Variants in SOAT2 observed in about 807,000 individuals in gnomAD.
SOAT2 encodes the protein ACAT-2.
In SOAT2, 87 loss-of-function variants were observed where a neutral mutation model predicts 76.0. That is an observed-to-expected ratio of 1.14 (90% CI 0.96 to 1.37). The LOEUF (loss-of-function observed/expected upper bound fraction) is 1.37. Among genes scored for constraint, SOAT2 ranks in the 40% most tolerant of loss-of-function variants. The pLI is 0.00. For missense variants in SOAT2, 686 were observed against 682.1 expected, an observed-to-expected ratio of 1.01 and a Z score of -0.06; for synonymous variants, 285 against 275.4, an observed-to-expected ratio of 1.03 and a Z score of -0.34.
chr12:53,114,645 C>T (rs577342209), intron 5 of SOAT2, among the ~76,000 whole-genome samples: 12 of 152,102 alleles, frequency 7.9e-5, no homozygotes, highest in Non-Finnish European at 1.8e-4. Context: ...TGTTTGAACC[C>T]GGGAGGCGGA....
At chr12:53,104,279 A>C in intron 2 of SOAT2, 73 bp downstream of exon 2, 1 of 925,888 alleles carries the variant, frequency 1.1e-6, no homozygotes, top group South Asian at 1.4e-5. Context: ...AGGCTTGGTG[A>C]TAAAGATGAC....
At chr12:53,122,340 T>C (rs1938203792) in intron 12 of SOAT2, among the ~76,000 whole-genome samples, 1 of 132,964 alleles carries the variant, frequency 7.5e-6, no homozygotes, top group Admixed American at 7.5e-5. Flanking sequence ...CCAAACTACC[T>C]TTTTTTTTTT....
chr12:53,124,381 C>G lies in SOAT2; in HGVS notation c.*258C>G, dbSNP rs1010987124. The stretch of plus-strand genomic sequence containing the variant: ...GCTGGGTACAGGATATCCTCCTACC[C>G]CATGACTGTCTTAGGGAGACTTGGG... On this transcript the variant is annotated 3_prime_UTR_variant, in exon 15 of 15. Coordinates refer to ENST00000301466, the MANE Select transcript of SOAT2 (RefSeq NM_003578.4). 20 of 562,026 alleles carry G rather than the reference C, an allele frequency of 3.6e-5. No individual in the cohort carries two copies. Among genetic ancestry groups the G allele is most frequent in the Middle Eastern group, 4.7e-4 (1 of 2,128 alleles). 34.8% of individuals were successfully genotyped at this position (562,026 alleles called of 1,614,324 possible).
intron 5 of SOAT2, among the ~76,000 whole-genome samples, chr12:53,107,136 C>A (rs1336245289): frequency 6.6e-6 from 1 of 152,142 alleles, no homozygotes; most frequent in South Asian, 2.1e-4. Context: ...ACAGTCCCCA[C>A]TGTCAATTTA....
At chr12:53,108,595 CA>C (rs1371018915) in intron 5 of SOAT2, among the ~76,000 whole-genome samples, 1 of 152,158 alleles carries the variant, frequency 6.6e-6, no homozygotes, top group East Asian at 1.9e-4. Context: ...CTCTGCAAAG[CA>C]AAACAAAGGA....
In SOAT2 at chr12:53,123,218, T is replaced by C. The variant is rs1293843196; in HGVS notation, c.1372+2T>C. ...TGATACTCTTCCTTGTCATTGGAGGTGAGCTGGTCTCTGTGCCACTGGAAG... is the reference window on the plus strand; with the variant it reads ...TGATACTCTTCCTTGTCATTGGAGGCGAGCTGGTCTCTGTGCCACTGGAAG... On this transcript the variant is annotated splice_donor_variant, in intron 13 of 14. Transcript: ENST00000301466. LOFTEE classifies it high-confidence loss of function. The C allele has an allele frequency of 6.2e-7, 1 of 1,613,566 alleles. No homozygotes were observed. Among genetic ancestry groups the C allele is most frequent in the Non-Finnish European group, 8.5e-7 (1 of 1,179,872 alleles).
chr12:53,118,761 C>G, intron 8 of SOAT2, 129 bp from the exon 9 acceptor site: 2 of 989,836 alleles, frequency 2.0e-6, no homozygotes, highest in South Asian at 2.8e-5. Flanking sequence ...GACCCCACCA[C>G]CCTAGATAAT....
At chr12:53,108,556 T>C (rs1196647835) in intron 5 of SOAT2, among the ~76,000 whole-genome samples, 1 of 152,218 alleles carries the variant, frequency 6.6e-6, no homozygotes, top group Non-Finnish European at 1.5e-5. Flanking sequence ...TTAAAAGCTA[T>C]TAATAGCTCA....
In SOAT2 at chr12:53,124,307, C is replaced by A; in HGVS notation, c.*184C>A. On this transcript the variant is annotated 3_prime_UTR_variant, in exon 15 of 15. Coordinates refer to ENST00000301466, the MANE Select transcript of SOAT2 (RefSeq NM_003578.4). ...AGACTTGTGGGTAACTGATCACAGA[C>A]CTCAGCATGGGGGTGACCAGGGTGA... 1 of 638,980 alleles carries A rather than the reference C, an allele frequency of 1.6e-6. No homozygotes were observed. The highest frequency in any genetic ancestry group is 2.5e-5 in the Admixed American group (1 of 40,670). The allele number at this position is 638,980 out of a possible 1,614,324, so 39.6% of individuals were successfully genotyped here. A position where few individuals can be genotyped will look rare whatever the true frequency, so the allele number is the denominator to read the frequency against.
intron 5 of SOAT2, among the ~76,000 whole-genome samples, chr12:53,106,332 T>G (rs1481081123): frequency 6.6e-6 from 1 of 152,260 alleles, no homozygotes; most frequent in East Asian, 1.9e-4. Context: ...AAGTCAGTTC[T>G]ATTCAAGTAA....
Position 53,123,811 on chromosome 12 carries a change from G to A in SOAT2, c.1456G>A (p.Gly486Arg), listed in dbSNP as rs1938233706. 1 of 1,614,142 alleles carries A rather than the reference G, an allele frequency of 6.2e-7. No homozygotes were observed. Among genetic ancestry groups the A allele is most frequent in the Non-Finnish European group, 8.5e-7 (1 of 1,180,020 alleles). ...GTGGACCATGCTGTTTCTAGGCCAGGGAATCCAGGTCAGCCTGTACTGCCA... is the reference window on the plus strand; with the variant it reads ...GTGGACCATGCTGTTTCTAGGCCAGAGAATCCAGGTCAGCCTGTACTGCCA... ...LMWTMLFLGQ[G>R]IQVSLYCQEW... The change falls in exon 14 of 15, where the codon GGA becomes AGA. Residue 486 changes from glycine (G) to arginine (R), a missense_variant. Gly to Arg is a moderately radical substitution (Grantham distance 125, BLOSUM62 -2). Coordinates refer to ENST00000301466, the MANE Select transcript of SOAT2 (RefSeq NM_003578.4).
rs569901514 is a variant in SOAT2 at position 53,115,663 on chromosome 12, C to G, written c.708+9C>G. On this transcript the variant is annotated intron_variant, in intron 6 of 14. Transcript: ENST00000301466. The stretch of plus-strand genomic sequence containing the variant: ...TCCTGGTCTTCGAGCAGGTGAGGGC[C>G]GAGCCCTGCTGACGGACAGGAAGGA... The G allele has an allele frequency of 2.7e-6, 4 of 1,506,464 alleles. No individual in the cohort carries two copies. Among genetic ancestry groups the G allele is most frequent in the Admixed American group, 2.1e-5 (1 of 46,964 alleles). The allele number at this position is 1,506,464 out of a possible 1,614,324, so 93.3% of individuals were successfully genotyped here. A position where few individuals can be genotyped will look rare whatever the true frequency, so the allele number is the denominator to read the frequency against.
Position 53,105,549 on chromosome 12 carries a change from A to G in SOAT2, c.276-12A>G. 1.9e-6 allele frequency: 3 copies of G among 1,609,668 alleles called. No homozygotes were observed. The highest frequency in any genetic ancestry group is 2.5e-6 in the Non-Finnish European group (3 of 1,177,370). On this transcript the variant is annotated splice_polypyrimidine_tract_variant and intron_variant, in intron 3 of 14. Coordinates refer to ENST00000301466, the MANE Select transcript of SOAT2 (RefSeq NM_003578.4). ...TACTTTTTCCTGACCCTGAACAAACATCTCAATTCAGGACCCAGGAGCCAT... is the reference window on the plus strand; with the variant it reads ...TACTTTTTCCTGACCCTGAACAAACGTCTCAATTCAGGACCCAGGAGCCAT...
chr12:53,105,663 C>T (rs149822891), intron 4 of SOAT2, 43 bp downstream of exon 4: 1 of 1,555,818 alleles, frequency 6.4e-7, no homozygotes, highest in Non-Finnish European at 8.8e-7. Context: ...AAAGAAAGGG[C>T]TTTGGCTAGG....
At chr12:53,122,874 G>A (rs368737069) in intron 12 of SOAT2, among the ~76,000 whole-genome samples, 1 of 152,118 alleles carries the variant, frequency 6.6e-6, no homozygotes, top group Admixed American at 6.5e-5. Flanking sequence ...GGTGGTGGCC[G>A]GGCAGAGGGG....
At chr12:53,121,478 A>G (rs1938188356) in intron 12 of SOAT2, 77 bp downstream of exon 12, 2 of 1,210,108 alleles carry the variant, frequency 1.7e-6, no homozygotes, top group East Asian at 2.3e-5. Context: ...CCCTCCTGCT[A>G]CAGTGTGGCA....
intron 5 of SOAT2, among the ~76,000 whole-genome samples, chr12:53,114,587 G>A (rs1938071562): frequency 6.6e-6 from 1 of 152,106 alleles, no homozygotes; most frequent in Non-Finnish European, 1.5e-5. Flanking sequence ...CAGTCGTGGT[G>A]GTGCAAGCCT....
At chr12:53,123,410 T>A (rs1173612746) in intron 13 of SOAT2, among the ~76,000 whole-genome samples, 194 bp downstream of exon 13, 1 of 152,134 alleles carries the variant, frequency 6.6e-6, no homozygotes, top group Non-Finnish European at 1.5e-5. Context: ...AGCCAAGCTG[T>A]ATCCTGGGGC....
In SOAT2 at chr12:53,105,541, G is replaced by T. The variant is rs762187610; in HGVS notation, c.276-20G>T. On this transcript the variant is annotated intron_variant, in intron 3 of 14. Coordinates refer to ENST00000301466, the MANE Select transcript of SOAT2 (RefSeq NM_003578.4). ...TGCCCATTTACTTTTTCCTGACCCT[G>T]AACAAACATCTCAATTCAGGACCCA... 6.2e-7 allele frequency: 1 copy of T among 1,608,192 alleles called. No homozygotes were observed. Among genetic ancestry groups the T allele is most frequent in the Non-Finnish European group, 8.5e-7 (1 of 1,176,434 alleles).
Sources: allele counts gnomAD v4.1 joint callset (sites outside exome capture counted in the v4.1 genomes callset), GRCh38; gene constraint gnomAD v4.1.1; transcripts MANE v1.5; gene names NCBI Gene and HGNC (gene_info 2026-07-23, HGNC 2026-07-21).